CCNJL: variants seen among roughly 807,000 people sequenced by gnomAD.
CCNJL encodes the protein cyclin-J-like protein.
Under a neutral mutation model 33.4 loss-of-function variants are expected in CCNJL, and 33 were observed. The ratio of observed to expected loss-of-function variants is 0.99; its 90% CI spans 0.75 to 1.32. The LOEUF is 1.32. Among genes scored for constraint, CCNJL ranks in the 40% most tolerant of loss-of-function variants. The pLI, the probability that CCNJL is intolerant of heterozygous loss-of-function variation, is 0.00. For synonymous variants in CCNJL, 227 were observed against 220.9 expected (o/e 1.03, Z -0.24); for missense variants, 512 against 499.7 (o/e 1.02, Z -0.23).
intron 1 of CCNJL, among the ~76,000 whole-genome samples, chr5:160,331,901 G>A (rs533931161): frequency 5.4e-4 from 82 of 152,292 alleles, no homozygotes; most frequent in South Asian, 3.3e-3. Flanking sequence ...CTGGGAACTT[G>A]TTAGAAATGC....
At position 160,303,112 on chromosome 5, in the gene CCNJL, GTCCAATAA is replaced by G. The variant is rs1762976024; in HGVS notation, c.66+8738_66+8745del. Reference sequence around the variant, plus strand: ...TGATTGTTTCTAATTTTTTGCTAGTGTCCAATAATCAGGAATTGGGTGGAGAAGAATGA... The same window carrying G: ...TGATTGTTTCTAATTTTTTGCTAGTGTCAGGAATTGGGTGGAGAAGAATGA... On this transcript the variant is annotated intron_variant, in intron 2 of 5. Transcript: ENST00000257536. Among the ~76,000 whole-genome samples, 9 of 152,256 alleles carry G rather than the reference GTCCAATAA, an allele frequency of 5.9e-5. No homozygotes were observed. The East Asian group carries it at 1.7e-3, about 29-fold the overall frequency.
intron 1 of CCNJL, among the ~76,000 whole-genome samples, chr5:160,320,799 TTCTTTCTTTCTTTC>T (rs1415274757): frequency 1.2e-3 from 70 of 57,672 alleles, no homozygotes; most frequent in Admixed American, 6.7e-4. Context: ...CTTTCTTTCT[TTCTTTCTTTCTTTC>T]TTTCTTTCTT....
chr5:160,253,426 G>C lies in CCNJL; in HGVS notation c.1116C>G (p.Ser372Arg). 6.2e-7 allele frequency: 1 copy of C among 1,606,148 alleles called. No homozygotes were observed. Among genetic ancestry groups the C allele is most frequent in the Non-Finnish European group, 8.5e-7 (1 of 1,174,844 alleles). ...GGAACATGTGGCTCCCACTGAAGTA[G>C]CTGCTTCCATAGGTGGTGGCGAGGC... ...RHCLATTYGSSYFSGSHMFPT... is the reference protein window; with the variant it reads ...RHCLATTYGSRYFSGSHMFPT... The change falls in exon 6 of 6, where the codon AGC becomes AGG. Residue 372 changes from serine (S) to arginine (R), a missense_variant. By Grantham distance (110) the Ser-to-Arg change is moderately radical (BLOSUM62 -1). Transcript: ENST00000257536.
intron 2 of CCNJL, among the ~76,000 whole-genome samples, chr5:160,305,978 G>A (rs1468942887): frequency 4.6e-5 from 7 of 152,136 alleles, no homozygotes; most frequent in Non-Finnish European, 8.8e-5. Flanking sequence ...TCTGTCCACT[G>A]GTTTAAGAAA....
At position 160,311,896 on chromosome 5, in the gene CCNJL, G is replaced by C. The variant is rs762796829; in HGVS notation, c.28C>G (p.Arg10Gly). Residue 10 changes from arginine to glycine, a missense_variant, in exon 2 of 6, where the codon CGC becomes GGC. Physicochemically the swap from Arg to Gly is moderately radical, Grantham distance 125. Transcript: ENST00000257536. The stretch of plus-strand genomic sequence containing the variant: ...GTGCAGTGGACGTCCGAGGCGACGC[G>C]CCCTTCCCACCACGGCTCATCCATC... MMDEPWWEG[R>G]VASDVHCTLR... 1 of 1,614,160 alleles carries C rather than the reference G, an allele frequency of 6.2e-7. No individual in the cohort carries two copies. Among genetic ancestry groups the C allele is most frequent in the Non-Finnish European group, 8.5e-7 (1 of 1,179,986 alleles).
intron 3 of CCNJL, among the ~76,000 whole-genome samples, chr5:160,263,983 C>T (rs7701702): frequency 0.035 from 5,125 of 146,606 alleles, 286 homozygotes; most frequent in African/African-American, 0.12. Flanking sequence ...TCACTCCTGT[C>T]GCACAAGCTG....
chr5:160,312,237 A>C (rs1763289810), intron 1 of CCNJL, 127 bp downstream of exon 1: 1 of 446,800 alleles, frequency 2.2e-6, no homozygotes, highest in Non-Finnish European at 4.0e-6. Context: ...AAAGTTGTCA[A>C]CTCCGCTAGC....
At chr5:160,335,993 CA>C (rs1763679802) in intron 1 of CCNJL, among the ~76,000 whole-genome samples, 1 of 152,140 alleles carries the variant, frequency 6.6e-6, no homozygotes, top group African/African-American at 2.4e-5. Flanking sequence ...GTCCACAATC[CA>C]AATACCAGAG....
At chr5:160,309,929 G>A (rs182214237) in intron 2 of CCNJL, among the ~76,000 whole-genome samples, 132 of 152,268 alleles carry the variant, frequency 8.7e-4, no homozygotes, top group Admixed American at 2.5e-3. Context: ...AACTCATACG[G>A]CACTATGACA....
rs1318471623 is a variant in CCNJL at position 160,280,538 on chromosome 5, G to T, written c.267C>A (p.Cys89Ter). ...SKQLYTVAVS[C>*]LLLASKFEDR... ...GTTTTCGCTTACTTGCAAGCAGGAG[G>T]CAGGAGACGGCCACGGTGTAGAGCT... The change falls in exon 3 of 6, where the codon TGC (cysteine) becomes TGA (stop). Residue 89 changes from cysteine to a stop codon, truncating the protein, a stop_gained. Transcript: ENST00000257536. LOFTEE classifies it high-confidence loss of function. The T allele has an allele frequency of 2.5e-6, 4 of 1,612,550 alleles. No individual in the cohort carries two copies. Among genetic ancestry groups the T allele is most frequent in the Non-Finnish European group, 3.4e-6 (4 of 1,179,884 alleles).
intron 5 of CCNJL, chr5:160,254,597 C>A (rs1044307734): frequency 5.6e-6 from 2 of 358,284 alleles, no homozygotes; most frequent in Non-Finnish European, 9.9e-6. Flanking sequence ...TTTGCCCACA[C>A]AGCCCACCAG....
At chr5:160,330,467 G>C (rs1469663487) in intron 1 of CCNJL, among the ~76,000 whole-genome samples, 1 of 152,012 alleles carries the variant, frequency 6.6e-6, no homozygotes, top group Non-Finnish European at 1.5e-5. Flanking sequence ...TGGGCCTAAA[G>C]GTGTCGTGGG....
At chr5:160,269,654 T>C in intron 3 of CCNJL, 1 of 360,076 alleles carries the variant, frequency 2.8e-6, no homozygotes, top group South Asian at 2.0e-5. Context: ...GGGCTGATGT[T>C]TTCATCGGGG....
chr5:160,254,452 C>T (rs1438570574), intron 5 of CCNJL: 1 of 498,974 alleles, frequency 2.0e-6, no homozygotes, highest in Non-Finnish European at 3.5e-6. Context: ...GCTTTGGGGA[C>T]CTTCTCAAAA....
At chr5:160,274,078 A>C (rs1761929770) in intron 3 of CCNJL, among the ~76,000 whole-genome samples, 1 of 152,224 alleles carries the variant, frequency 6.6e-6, no homozygotes, top group Non-Finnish European at 1.5e-5. Flanking sequence ...AACTGTTCCC[A>C]GGGGTTACCT....
chr5:160,290,356 T>C (rs1354348530), intron 2 of CCNJL, among the ~76,000 whole-genome samples: 1 of 151,808 alleles, frequency 6.6e-6, no homozygotes, highest in Non-Finnish European at 1.5e-5. Context: ...ACCTCCGCCT[T>C]CTAGGTTCAA....
intron 2 of CCNJL, among the ~76,000 whole-genome samples, chr5:160,298,129 T>C (rs374754604): frequency 4.6e-5 from 7 of 152,304 alleles, no homozygotes; most frequent in Admixed American, 3.9e-4. Context: ...TGGTCAAACA[T>C]TTAACCCCTC....
At chr5:160,283,638 A>G (rs1762314412) in intron 2 of CCNJL, among the ~76,000 whole-genome samples, 1 of 151,964 alleles carries the variant, frequency 6.6e-6, no homozygotes, top group African/African-American at 2.4e-5. Context: ...ATCTAATCAC[A>G]CTCTTAGTTA....
intron 2 of CCNJL, chr5:160,294,941 G>A (rs540964889): frequency 3.9e-5 from 6 of 152,414 alleles, no homozygotes; most frequent in Non-Finnish European, 7.3e-5. Flanking sequence ...TTCCTTTTGT[G>A]GATTCTCCTG....
Sources: gnomAD v4.1 joint callset for allele counts (sites outside exome capture counted in the v4.1 genomes callset) on GRCh38, gnomAD v4.1.1 for gene constraint, MANE v1.5 for transcripts, NCBI Gene and HGNC (gene_info 2026-07-23, HGNC 2026-07-21) for gene names.